FILIP1: variants seen among roughly 807,000 people sequenced by gnomAD.
The protein encoded by FILIP1 is filamin-A-interacting protein 1.
Under a neutral mutation model 102.1 loss-of-function variants are expected in FILIP1, and 61 were observed. That is an observed-to-expected ratio of 0.60 (90% CI 0.49 to 0.74). FILIP1 has a LOEUF of 0.74. Ranked by LOEUF, FILIP1 falls within the 30% of genes least tolerant of loss-of-function variation. The pLI, the probability that FILIP1 is intolerant of heterozygous loss-of-function variation, is 0.00. For synonymous variants in FILIP1, 491 were observed against 526.9 expected (o/e 0.93, Z 0.93); for missense variants, 1,314 against 1,441.2 (o/e 0.91, Z 1.43).
downstream of FILIP1, among the ~76,000 whole-genome samples, chr6:75,305,697 TAGTC>T (rs938826324): frequency 6.6e-6 from 1 of 152,146 alleles, no homozygotes; most frequent in Non-Finnish European, 1.5e-5. Flanking sequence ...TGTGCTGAAA[TAGTC>T]AGCACATTAT....
At chr6:75,415,283 T>C (rs982095782) in intron 1 of FILIP1, among the ~76,000 whole-genome samples, 6 of 152,014 alleles carry the variant, frequency 3.9e-5, no homozygotes, top group African/African-American at 1.4e-4. Flanking sequence ...GTAACAAACG[T>C]ACTATACTAT....
In FILIP1 at chr6:75,313,263, G is replaced by T; in HGVS notation, c.2569C>A (p.Pro857Thr). 1 of 1,614,172 alleles carries T rather than the reference G, an allele frequency of 6.2e-7. No homozygotes were observed. The highest frequency in any genetic ancestry group is 1.3e-5 in the African/African-American group (1 of 75,032). ...ATAGTGAGCTCATTTGCTGCTGGAG[G>T]ATACCTGTCTAGAACAGAAGATCTT... ...VERSSVLDRYPPAANELTMRK... is the reference protein window; with the variant it reads ...VERSSVLDRYTPAANELTMRK... Residue 857 changes from proline (P) to threonine (T), a missense_variant, in exon 5 of 6, where the codon CCT (proline) becomes ACT (threonine). Coordinates refer to ENST00000237172, the MANE Select transcript of FILIP1 (RefSeq NM_015687.5). The surrounding 1 kb of genome is among the most constrained non-coding windows in gnomAD (Gnocchi z 4.2).
intron 1 of FILIP1, chr6:75,458,075 T>C (rs1358188904): frequency 6.6e-6 from 1 of 152,206 alleles, no homozygotes; most frequent in Non-Finnish European, 1.5e-5. Flanking sequence ...GTTTTTAGTA[T>C]AAATATGTCC....
At chr6:75,405,595 A>G (rs1368472509) in intron 2 of FILIP1, among the ~76,000 whole-genome samples, 2 of 152,240 alleles carry the variant, frequency 1.3e-5, no homozygotes, top group African/African-American at 2.4e-5. Flanking sequence ...AGTTACTTCT[A>G]TAGAAGGGTG....
chr6:75,449,487 G>GA (rs971073105), intron 1 of FILIP1, among the ~76,000 whole-genome samples: 1 of 151,634 alleles, frequency 6.6e-6, no homozygotes, highest in African/African-American at 2.4e-5. Context: ...GTTTTAAAAA[G>GA]AAAAAAAAGA....
chr6:75,461,416 T>C (rs1779019045), intron 1 of FILIP1, among the ~76,000 whole-genome samples: 1 of 152,234 alleles, frequency 6.6e-6, no homozygotes, highest in African/African-American at 2.4e-5. Context: ...ATTTTTCCTT[T>C]GCCTAAACTT....
At chr6:75,462,942 G>A (rs4594918) in intron 1 of FILIP1, among the ~76,000 whole-genome samples, 88,842 of 151,964 alleles carry the variant, frequency 0.58, 26,434 homozygotes, top group Non-Finnish European at 0.65. Flanking sequence ...GGGAAGAGGG[G>A]TCAAAGACTG....
At chr6:75,415,710 C>T (rs771634645) in intron 1 of FILIP1, among the ~76,000 whole-genome samples, 1 of 151,770 alleles carries the variant, frequency 6.6e-6, no homozygotes, top group Non-Finnish European at 1.5e-5. Context: ...AATAAGAGCA[C>T]AAAGAATTGG....
intron 2 of FILIP1, among the ~76,000 whole-genome samples, chr6:75,378,121 A>G (rs1423896302): frequency 6.6e-6 from 1 of 152,180 alleles, no homozygotes; most frequent in Non-Finnish European, 1.5e-5. Flanking sequence ...GCTTAAAGGC[A>G]TCTTATTTTA....
At position 75,314,468 on chromosome 6, in the gene FILIP1, T is replaced by A; in HGVS notation, c.1364A>T (p.Asn455Ile). The change falls in exon 5 of 6, where the codon AAT becomes ATT. Residue 455 changes from asparagine (N) to isoleucine (I), a missense_variant. Coordinates refer to ENST00000237172, the MANE Select transcript of FILIP1 (RefSeq NM_015687.5). ...SKSECTQLHLNLEKEKNLTKD... is the reference protein window; with the variant it reads ...SKSECTQLHLILEKEKNLTKD... ...GGTTAAGTTCTTTTCTTTCTCCAGA[T>A]TTAAATGTAGCTGGGTGCACTCAGA... The A allele has an allele frequency of 6.3e-7, 1 of 1,593,404 alleles. No homozygotes were observed. Among genetic ancestry groups the A allele is most frequent in the Non-Finnish European group, 8.5e-7 (1 of 1,174,496 alleles).
At chr6:75,373,415 A>T (rs964060857) in intron 2 of FILIP1, among the ~76,000 whole-genome samples, 1 of 152,230 alleles carries the variant, frequency 6.6e-6, no homozygotes, top group African/African-American at 2.4e-5. Context: ...ACACTTAAAG[A>T]TGGTTAAAAT....
chr6:75,492,927 C>T (rs1443309550), intron 1 of FILIP1, among the ~76,000 whole-genome samples: 1 of 152,132 alleles, frequency 6.6e-6, no homozygotes, highest in African/African-American at 2.4e-5. Context: ...GAGAATTAGG[C>T]AAAAGGAGAC....
intron 1 of FILIP1, among the ~76,000 whole-genome samples, chr6:75,467,075 T>C (rs1174210712): frequency 6.6e-6 from 1 of 152,258 alleles, no homozygotes. Flanking sequence ...TTAGAATTAT[T>C]GTTGTCAACT....
chr6:75,389,674 T>C (rs1391748955), intron 2 of FILIP1, among the ~76,000 whole-genome samples: 2 of 152,206 alleles, frequency 1.3e-5, no homozygotes, highest in Non-Finnish European at 2.9e-5. Context: ...ACATTTGTAG[T>C]ATTCTCTGAT....
intron 4 of FILIP1, among the ~76,000 whole-genome samples, chr6:75,330,235 C>T (rs1774028133): frequency 6.6e-6 from 1 of 152,200 alleles, no homozygotes; most frequent in South Asian, 2.1e-4. Context: ...GTGAGAGCCT[C>T]ACTTGCCTCA....
chr6:75,435,782 G>A (rs1179062004), intron 1 of FILIP1, among the ~76,000 whole-genome samples: 1 of 152,126 alleles, frequency 6.6e-6, no homozygotes, highest in Admixed American at 6.6e-5. Context: ...GTTATCAAAG[G>A]TACCAAGGAA....
intron 1 of FILIP1, among the ~76,000 whole-genome samples, chr6:75,476,434 T>G (rs1402924701): frequency 6.6e-6 from 1 of 152,128 alleles, no homozygotes; most frequent in African/African-American, 2.4e-5. Flanking sequence ...GTTGAATCAG[T>G]TGTAAACTTC....
At chr6:75,437,055 T>C (rs185441537) in intron 1 of FILIP1, among the ~76,000 whole-genome samples, 63 of 152,154 alleles carry the variant, frequency 4.1e-4, no homozygotes, top group African/African-American at 1.5e-3. Context: ...CACTTTTCCA[T>C]GCAGACGGAA....
Position 75,456,493 on chromosome 6 carries a change from T to A in FILIP1, c.-7+36921A>T, listed in dbSNP as rs145528216. On this transcript the variant is annotated intron_variant, in intron 1 of 5. Transcript: ENST00000237172. ...AGATAAAGAACAAATAAGTTTTCAA[T>A]AAAAGTGTGTTTCATTTAATATTTT... is the stretch of plus-strand genomic sequence containing the variant. Among the ~76,000 whole-genome samples the A allele has an allele frequency of 2.0e-3, 297 of 152,184 alleles. 3 individuals are homozygous for A. Among genetic ancestry groups the A allele is most frequent in the African/African-American group, 6.5e-3 (269 of 41,546 alleles).
Sources: allele counts gnomAD v4.1 joint callset (sites outside exome capture counted in the v4.1 genomes callset), GRCh38; gene constraint gnomAD v4.1.1; non-coding constraint Gnocchi (gnomAD v3.1); transcripts MANE v1.5; gene names NCBI Gene and HGNC (gene_info 2026-07-23, HGNC 2026-07-21).